Variants in MARCHF11 observed in about 807,000 individuals in gnomAD.
MARCHF11 encodes membrane associated ring-CH-type finger 11.
A neutral mutation model predicts 37.3 loss-of-function variants in MARCHF11; 29 were observed. That is an observed-to-expected ratio of 0.78 (90% CI 0.58 to 1.06). The LOEUF (loss-of-function observed/expected upper bound fraction) is 1.06, where lower values mean the gene tolerates loss of function less well. MARCHF11 is among the 50% of genes least tolerant of loss of function. MARCHF11 has a pLI of 0.00. For missense variants in MARCHF11, 482 were observed against 533.4 expected (o/e 0.90, Z 0.95); for synonymous variants, 233 against 228.0 (o/e 1.02, Z -0.20).
chr5:16,087,887 T>C (rs965845270), intron 3 of MARCHF11, among the ~76,000 whole-genome samples: 7 of 152,190 alleles, frequency 4.6e-5, no homozygotes, highest in African/African-American at 1.7e-4. Context: ...AAGCATTACA[T>C]AGACTGGCTG....
intron 3 of MARCHF11, among the ~76,000 whole-genome samples, chr5:16,074,652 G>A (rs1736488514): frequency 6.6e-6 from 1 of 152,112 alleles, no homozygotes; most frequent in Admixed American, 6.6e-5. Flanking sequence ...CTCAAACACA[G>A]ATGCATCATT....
chr5:16,140,867 A>AT (rs1472415729), intron 2 of MARCHF11: 1 of 152,190 alleles, frequency 6.6e-6, no homozygotes, highest in Non-Finnish European at 1.5e-5. Context: ...TACATTCTTG[A>AT]TTTTTCAGAA....
intron 2 of MARCHF11, among the ~76,000 whole-genome samples, chr5:16,170,828 C>T (rs1231598403): frequency 6.6e-6 from 1 of 152,104 alleles, no homozygotes; most frequent in Non-Finnish European, 1.5e-5. Flanking sequence ...CATTTCAAGA[C>T]ATTCAGAAGG....
intron 3 of MARCHF11, among the ~76,000 whole-genome samples, chr5:16,085,209 T>G (rs538325854): frequency 6.6e-6 from 1 of 152,142 alleles, no homozygotes; most frequent in Non-Finnish European, 1.5e-5. Flanking sequence ...AATAGATTTT[T>G]TTTTTTAAAG....
rs139407235 is a variant in MARCHF11 at position 16,091,765 on chromosome 5, G to A, written c.694-684C>T. On this transcript the variant is annotated intron_variant, in intron 2 of 3. Transcript: ENST00000332432. ...ACTCACAACCATTTTCAGCATGTAC[G>A]CTTCAGTGGGGCAAATAATTTGGTG... Among the ~76,000 whole-genome samples, 440 of 152,236 alleles carry A rather than the reference G, an allele frequency of 2.9e-3. 1 individual carries two copies. The highest frequency in any genetic ancestry group is 9.8e-3 in the African/African-American group (408 of 41,544).
chr5:16,144,655 G>A (rs912812890), intron 2 of MARCHF11, among the ~76,000 whole-genome samples: 2 of 152,218 alleles, frequency 1.3e-5, no homozygotes, highest in Non-Finnish European at 2.9e-5. Context: ...GTACAGATAT[G>A]AGTCACATGG....
At chr5:16,073,246 A>T (rs1736466484) in intron 3 of MARCHF11, among the ~76,000 whole-genome samples, 1 of 152,180 alleles carries the variant, frequency 6.6e-6, no homozygotes, top group South Asian at 2.1e-4. Context: ...AGGCCAGAGC[A>T]TGGTTGCTTC....
At chr5:16,140,739 T>C (rs1353408225) in intron 2 of MARCHF11, among the ~76,000 whole-genome samples, 1 of 152,190 alleles carries the variant, frequency 6.6e-6, no homozygotes, top group African/African-American at 2.4e-5. Flanking sequence ...TGCAACACTG[T>C]TCAACATTTT....
rs374519790 is a variant in MARCHF11 at position 16,115,886 on chromosome 5, C to T, written c.694-24805G>A. On this transcript the variant is annotated intron_variant, in intron 2 of 3. Transcript: ENST00000332432. ...AGGTGATCCACCTGCCTCGGCCTCC[C>T]AAAGTGCTAGGATTACAGGAGTAAG... Among the ~76,000 whole-genome samples the T allele has an allele frequency of 9.7e-4, 148 of 152,278 alleles. 2 individuals carry two copies. The South Asian group carries it at 0.016, about 17-fold the overall frequency.
At chr5:16,153,812 T>A (rs1220372435) in intron 2 of MARCHF11, among the ~76,000 whole-genome samples, 1 of 152,090 alleles carries the variant, frequency 6.6e-6, no homozygotes, top group Non-Finnish European at 1.5e-5. Flanking sequence ...TATGACTAGG[T>A]TGTGGTCCAT....
chr5:16,171,167 C>T (rs1332795618), intron 2 of MARCHF11, among the ~76,000 whole-genome samples: 1 of 151,972 alleles, frequency 6.6e-6, no homozygotes, highest in East Asian at 1.9e-4. Flanking sequence ...AGGTTAGTTA[C>T]ATATGTATAC....
chr5:16,145,786 T>C (rs1650396030), intron 2 of MARCHF11, among the ~76,000 whole-genome samples: 1 of 152,100 alleles, frequency 6.6e-6, no homozygotes, highest in Non-Finnish European at 1.5e-5. Flanking sequence ...AGAATCACCA[T>C]CTCCATATTT....
At chr5:16,132,599 G>A (rs1215999571) in intron 2 of MARCHF11, among the ~76,000 whole-genome samples, 1 of 152,178 alleles carries the variant, frequency 6.6e-6, no homozygotes, top group Non-Finnish European at 1.5e-5. Context: ...TTTGGATATG[G>A]ATGATTTACA....
At chr5:16,123,952 G>A (rs569531334) in intron 2 of MARCHF11, among the ~76,000 whole-genome samples, 1 of 152,128 alleles carries the variant, frequency 6.6e-6, no homozygotes, top group South Asian at 2.1e-4. Context: ...TTTAAATCAG[G>A]ACTGTGTGGG....
chr5:16,161,452 A>G (rs1738076172), intron 2 of MARCHF11, among the ~76,000 whole-genome samples: 1 of 151,930 alleles, frequency 6.6e-6, no homozygotes, highest in African/African-American at 2.4e-5. Context: ...TAAGTTATGG[A>G]TGACATTTCC....
At chr5:16,087,247 T>A (rs542531195) in intron 3 of MARCHF11, among the ~76,000 whole-genome samples, 94 of 152,312 alleles carry the variant, frequency 6.2e-4, no homozygotes, top group African/African-American at 2.2e-3. Flanking sequence ...AAAACTCCAG[T>A]AACAAAAAGA....
chr5:16,104,206 TCTATAATTCC>T (rs1392210400), intron 2 of MARCHF11, among the ~76,000 whole-genome samples: 1 of 152,144 alleles, frequency 6.6e-6, no homozygotes, highest in East Asian at 1.9e-4. Flanking sequence ...CCCTTTCCGC[TCTATAATTCC>T]CTAGAGTACT....
intron 2 of MARCHF11, among the ~76,000 whole-genome samples, chr5:16,113,035 A>G (rs1228124025): frequency 6.6e-6 from 1 of 152,194 alleles, no homozygotes; most frequent in Non-Finnish European, 1.5e-5. Context: ...GTGAAAACAG[A>G]CTAATACGTA....
At chr5:16,150,296 TGA>T (rs926307117) in intron 2 of MARCHF11, among the ~76,000 whole-genome samples, 12 of 149,362 alleles carry the variant, frequency 8.0e-5, no homozygotes, top group Non-Finnish European at 1.5e-4. Flanking sequence ...GTAAGTAGTG[TGA>T]GAGTCTTGTC....
Sources: gnomAD v4.1 joint callset for allele counts (sites outside exome capture counted in the v4.1 genomes callset) on GRCh38, gnomAD v4.1.1 for gene constraint, MANE v1.5 for transcripts, NCBI Gene and HGNC (gene_info 2026-07-23, HGNC 2026-07-21) for gene names.